LONP1: variants seen among roughly 807,000 people sequenced by gnomAD.
LONP1 encodes lon peptidase 1, mitochondrial.
In LONP1, 31 loss-of-function variants were observed where a neutral mutation model predicts 98.5. The ratio of observed to expected loss-of-function variants is 0.31; its 90% CI spans 0.24 to 0.42. The LOEUF (loss-of-function observed/expected upper bound fraction) is 0.42. LONP1 is among the 20% of genes least tolerant of loss of function. LONP1 has a pLI of 1.00. For synonymous variants in LONP1, 781 were observed against 594.7 expected (o/e 1.31, Z -4.56); for missense variants, 1,336 against 1,350.6 (o/e 0.99, Z 0.17).
At chr19:5,701,343 TC>T (rs2055038824) in intron 8 of LONP1, among the ~76,000 whole-genome samples, 1 of 152,060 alleles carries the variant, frequency 6.6e-6, no homozygotes, top group African/African-American at 2.4e-5. Flanking sequence ...TTCCACGGTC[TC>T]CCCTTTCCCT....
intron 17 of LONP1, among the ~76,000 whole-genome samples, 159 bp downstream of exon 17, chr19:5,693,139 C>T (rs1040586384): frequency 2.6e-5 from 4 of 152,182 alleles, no homozygotes; most frequent in African/African-American, 7.2e-5. Context: ...GCAGCTAGGG[C>T]GGTGAGCTTA....
At chr19:5,714,303 A>G (rs752859583) in intron 1 of LONP1, 32 bp from the exon 2 acceptor site, 10 of 1,483,984 alleles carry the variant, frequency 6.7e-6, no homozygotes, top group African/African-American at 1.4e-5. Flanking sequence ...AGTGAAATGC[A>G]GAGTAGATTT....
intron 1 of LONP1, among the ~76,000 whole-genome samples, chr19:5,718,495 A>T (rs1042249291): frequency 4.2e-4 from 63 of 151,688 alleles, no homozygotes; most frequent in African/African-American, 1.4e-3. Flanking sequence ...AAAAAAAAAA[A>T]ATCTTGGAGC....
intron 15 of LONP1, among the ~76,000 whole-genome samples, 161 bp downstream of exon 15, chr19:5,694,226 C>A (rs1182685963): frequency 6.6e-6 from 1 of 152,164 alleles, no homozygotes; most frequent in Non-Finnish European, 1.5e-5. Context: ...CAGCCTTCCC[C>A]TCCCTCAGCC....
intron 17 of LONP1, 71 bp from the exon 18 acceptor site, chr19:5,692,279 C>T (rs565282609): frequency 1.2e-5 from 17 of 1,458,226 alleles, no homozygotes; most frequent in South Asian, 3.9e-5. Context: ...CCTCCAGGAA[C>T]GAAAGGGCTT....
chr19:5,700,501 C>T (rs1235099776), intron 9 of LONP1, among the ~76,000 whole-genome samples: 1 of 152,006 alleles, frequency 6.6e-6, no homozygotes, highest in African/African-American at 2.4e-5. Context: ...ACCACAGCCT[C>T]AACTTCCTGG....
chr19:5,712,132 T>C, intron 3 of LONP1, 130 bp from the exon 4 acceptor site: 1 of 705,574 alleles, frequency 1.4e-6, no homozygotes, highest in Non-Finnish European at 2.3e-6. Context: ...ACAGGGTGGC[T>C]ACAGGGTCCT....
intron 1 of LONP1, among the ~76,000 whole-genome samples, chr19:5,715,969 C>T (rs1197325288): frequency 1.3e-5 from 2 of 152,056 alleles, no homozygotes; most frequent in East Asian, 1.9e-4. Flanking sequence ...TTCTCAACGG[C>T]AGGTTCAGGG....
In LONP1 at chr19:5,705,982, T is replaced by A. The variant is rs2055138892; in HGVS notation, c.1157A>T (p.Lys386Met). 2 of 1,611,714 alleles carry A rather than the reference T, an allele frequency of 1.2e-6. No homozygotes were observed. The highest frequency in any genetic ancestry group is 1.7e-6 in the Non-Finnish European group (2 of 1,179,580). The change falls in exon 8 of 18, where the codon AAG becomes ATG. Residue 386 changes from lysine to methionine, a missense_variant. By Grantham distance (95) the Lys-to-Met change is moderately conservative (BLOSUM62 -1). Coordinates refer to ENST00000360614, the MANE Select transcript of LONP1 (RefSeq NM_004793.4). Reference protein sequence around the residue: ...QQRLGREVEEKIKQTHRKYLL... With the variant: ...QQRLGREVEEMIKQTHRKYLL... ...GTACTTACGGTGGGTCTGCTTGATC[T>A]TCTCCTCCACCTGTGGGGTGAGGTG...
Position 5,711,710 on chromosome 19 carries a change from C to T in LONP1, c.870+61G>A, listed in dbSNP as rs1012264783. On this transcript the variant is annotated intron_variant, in intron 4 of 17. Transcript: ENST00000360614. ...TGACTCTTCGGAGAGGCCGCAGGAACGGCTCAAGGGAGCCCGTGGGGGAGG... is the reference window on the plus strand; with the variant it reads ...TGACTCTTCGGAGAGGCCGCAGGAATGGCTCAAGGGAGCCCGTGGGGGAGG... 6.3e-5 allele frequency: 88 copies of T among 1,404,824 alleles called. 1 individual carries two copies. Among genetic ancestry groups the T allele is most frequent in the Middle Eastern group, 1.8e-4 (1 of 5,508 alleles). The allele number at this position is 1,404,824 out of a possible 1,614,324, so 87.0% of individuals were successfully genotyped here. A position where few individuals can be genotyped will look rare whatever the true frequency, so the allele number is the denominator to read the frequency against.
At position 5,720,121 on chromosome 19, in the gene LONP1, G is replaced by C; in HGVS notation, c.12C>G (p.Ser4Arg). 1 of 1,429,024 alleles carries C rather than the reference G, an allele frequency of 7.0e-7. No homozygotes were observed. Among genetic ancestry groups the C allele is most frequent in the Non-Finnish European group, 9.1e-7 (1 of 1,100,064 alleles). The allele number at this position is 1,429,024 out of a possible 1,614,324, so 88.5% of individuals were successfully genotyped here. MAA[S>R]TGYVRLWGAA... ...CTCCCCACAGTCGCACGTAGCCAGT[G>C]CTCGCCGCCATAGCCCGGCCATACT... is the stretch of plus-strand genomic sequence containing the variant. Residue 4 changes from serine to arginine, a missense_variant, in exon 1 of 18, where the codon AGC becomes AGG. Physicochemically the swap from Ser to Arg is moderately radical, Grantham distance 110. Around this residue, in one of 5 missense-constraint regions of LONP1, gnomAD observed 457 missense variants for 403.1 expected, o/e 1.13. Transcript: ENST00000360614.
rs183297778 is a variant in LONP1, at chr19:5,698,228, A to G, written c.1685+799T>C. 7.6e-4 allele frequency among the ~76,000 whole-genome samples: 116 copies of G among 152,226 alleles called. 2 individuals are homozygous for G. The East Asian group carries it at 0.021, about 27-fold the overall frequency. Reference sequence around the variant, plus strand: ...TGTCACCCTTGCAGCGGGCGGGCAGATGCTAGGAAGGCCTGAGCCGGGAGG... The same window carrying G: ...TGTCACCCTTGCAGCGGGCGGGCAGGTGCTAGGAAGGCCTGAGCCGGGAGG... On this transcript the variant is annotated intron_variant, in intron 10 of 17. Coordinates refer to ENST00000360614, the MANE Select transcript of LONP1 (RefSeq NM_004793.4).
upstream of LONP1, chr19:5,720,256 G>C: frequency 1.5e-6 from 2 of 1,315,460 alleles, no homozygotes; most frequent in Non-Finnish European, 9.8e-7. Flanking sequence ...GCTTCAGGGA[G>C]CTGGGCCTAC....
At chr19:5,700,747 C>T (rs1389311716) in intron 9 of LONP1, 42 bp downstream of exon 9, 2 of 1,610,330 alleles carry the variant, frequency 1.2e-6, no homozygotes, top group Admixed American at 1.7e-5. Context: ...TGGGCCCGGG[C>T]ACCCACATGC....
chr19:5,704,858 C>T (rs923469812), intron 8 of LONP1, among the ~76,000 whole-genome samples: 1 of 152,240 alleles, frequency 6.6e-6, no homozygotes, highest in South Asian at 2.1e-4. Context: ...ACTCCTGGTC[C>T]TGGCGAGAAG....
intron 8 of LONP1, among the ~76,000 whole-genome samples, chr19:5,702,386 C>T (rs2055069144): frequency 6.7e-6 from 1 of 149,358 alleles, no homozygotes; most frequent in South Asian, 2.1e-4. Context: ...GCCAGCCGCC[C>T]CGTCCGGGAG....
At chr19:5,717,054 A>G (rs1217124285) in intron 1 of LONP1, among the ~76,000 whole-genome samples, 1 of 152,220 alleles carries the variant, frequency 6.6e-6, no homozygotes, top group African/African-American at 2.4e-5. Context: ...TCAGCCTCCC[A>G]AAGTGCTGGG....
At chr19:5,696,401 T>C (rs1568313018) in intron 11 of LONP1, 30 bp from the exon 12 acceptor site, 2 of 1,607,372 alleles carry the variant, frequency 1.2e-6, no homozygotes, top group Non-Finnish European at 1.7e-6. Flanking sequence ...GTGGTGCCCC[T>C]CGCCGTGCCC....
chr19:5,712,033 G>A (rs1188659360), intron 3 of LONP1, 31 bp from the exon 4 acceptor site: 2 of 1,578,430 alleles, frequency 1.3e-6, no homozygotes, highest in East Asian at 2.3e-5. Context: ...GTGTGAATCA[G>A]CCGCTGAGGC....
Sources: gnomAD v4.1 joint callset for allele counts (sites outside exome capture counted in the v4.1 genomes callset) on GRCh38, gnomAD v4.1.1 for gene constraint, gnomAD v4.1.1 regional missense constraint, MANE v1.5 for transcripts, NCBI Gene and HGNC (gene_info 2026-07-23, HGNC 2026-07-21) for gene names.